Variants in ANO1 observed in about 807,000 individuals in gnomAD.
ANO1 encodes anoctamin 1, also known as anoctamin-1.
Under a neutral mutation model 124.0 loss-of-function variants are expected in ANO1, and 59 were observed. That is an observed-to-expected ratio of 0.48 (90% CI 0.39 to 0.59). ANO1 has a LOEUF of 0.59. Ranked by LOEUF, ANO1 falls within the 20% of genes least tolerant of loss-of-function variation. The pLI, the probability that ANO1 is intolerant of heterozygous loss-of-function variation, is 0.00. For synonymous variants in ANO1, 529 were observed against 532.0 expected (o/e 0.99, Z 0.08); for missense variants, 1,059 against 1,328.0 (o/e 0.80, Z 3.15).
At chr11:70,018,699 C>T (rs7927315) in intron 1 of ANO1, among the ~76,000 whole-genome samples, 65,433 of 152,098 alleles carry the variant, frequency 0.43, 14,658 homozygotes, top group Non-Finnish European at 0.49. Context: ...ACTGTTGCTG[C>T]AGCAGGATGT....
chr11:70,170,145 C>A, intron 21 of ANO1: 1 of 449,590 alleles, frequency 2.2e-6, no homozygotes, highest in Non-Finnish European at 4.5e-6. Flanking sequence ...GAAGTTTGGG[C>A]TCTGGAAGAT....
chr11:70,165,680 G>A, intron 20 of ANO1, 110 bp downstream of exon 20: 1 of 832,312 alleles, frequency 1.2e-6, no homozygotes, highest in Non-Finnish European at 1.9e-6. Flanking sequence ...CAAGATGGGG[G>A]CACTAGAAGC....
upstream of ANO1, among the ~76,000 whole-genome samples, chr11:69,982,515 TG>T (rs1855968132): frequency 6.6e-6 from 1 of 152,230 alleles, no homozygotes; most frequent in African/African-American, 2.4e-5. Context: ...AGGATGAATA[TG>T]ATGCAAATAA....
chr11:70,120,169 G>A (rs977724284), intron 8 of ANO1, among the ~76,000 whole-genome samples: 1 of 152,160 alleles, frequency 6.6e-6, no homozygotes, highest in African/African-American at 2.4e-5. Context: ...ACATTTTCCT[G>A]TGCTGAGCTG....
intron 1 of ANO1, among the ~76,000 whole-genome samples, chr11:70,065,558 C>T (rs1262553722): frequency 6.6e-6 from 1 of 151,788 alleles, no homozygotes; most frequent in African/African-American, 2.4e-5. Flanking sequence ...TCCCAACTTC[C>T]TCTCTGCCCT....
intron 4 of ANO1, 131 bp from the exon 5 acceptor site, chr11:70,105,603 C>T (rs867111351): frequency 8.7e-6 from 7 of 806,570 alleles, no homozygotes; most frequent in Admixed American, 4.2e-5. Context: ...TCATACCTGG[C>T]GTGCGGACAG....
chr11:70,159,192 C>T (rs2047945386), intron 16 of ANO1, among the ~76,000 whole-genome samples: 1 of 152,174 alleles, frequency 6.6e-6, no homozygotes, highest in Non-Finnish European at 1.5e-5. Context: ...ATGGCTGCTG[C>T]ACCTCCAGCA....
At chr11:70,013,927 G>A (rs1191956014) in intron 1 of ANO1, among the ~76,000 whole-genome samples, 2 of 152,132 alleles carry the variant, frequency 1.3e-5, no homozygotes, top group Non-Finnish European at 2.9e-5. Flanking sequence ...GGTTCCTGCT[G>A]AGGCCTGTCT....
chr11:70,059,837 G>T (rs1369351204), intron 1 of ANO1, among the ~76,000 whole-genome samples: 2 of 151,986 alleles, frequency 1.3e-5, no homozygotes, highest in Non-Finnish European at 2.9e-5. Context: ...AGTTGGAAAA[G>T]ACTGGTAGAG....
At chr11:69,994,717 G>A (rs1856227673) in intron 1 of ANO1, among the ~76,000 whole-genome samples, 1 of 152,074 alleles carries the variant, frequency 6.6e-6, no homozygotes, top group East Asian at 1.9e-4. Flanking sequence ...GACCCAAACT[G>A]CTTCCATCAG....
chr11:70,116,594 C>G, intron 8 of ANO1, 95 bp downstream of exon 8: 1 of 1,237,810 alleles, frequency 8.1e-7, no homozygotes, highest in Non-Finnish European at 1.2e-6. Context: ...GACTTACCGG[C>G]CTCCAGGGCC....
At chr11:70,043,760 C>T (rs1394714389) in intron 1 of ANO1, among the ~76,000 whole-genome samples, 9 of 152,098 alleles carry the variant, frequency 5.9e-5, no homozygotes, top group African/African-American at 1.9e-4. Context: ...AAGACTTTTA[C>T]AGAAGAACAA....
At position 70,132,087 on chromosome 11, in the gene ANO1, G is replaced by C; in HGVS notation, c.1258+8G>C. ...TCTTCATGGCCCTCTGGGGTAAGCA[G>C]GGCTCCAGAGCACTGGGTTTTTGGG... On this transcript the variant is annotated splice_region_variant and intron_variant, in intron 11 of 25. Coordinates refer to ENST00000355303, the MANE Select transcript of ANO1 (RefSeq NM_018043.7). 1 of 1,579,578 alleles carries C rather than the reference G, an allele frequency of 6.3e-7. No individual in the cohort carries two copies. The highest frequency in any genetic ancestry group is 8.6e-7 in the Non-Finnish European group (1 of 1,167,840).
intron 1 of ANO1, among the ~76,000 whole-genome samples, chr11:69,993,863 C>T (rs1213964807): frequency 1.3e-5 from 2 of 152,214 alleles, no homozygotes; most frequent in African/African-American, 4.8e-5. Context: ...CTTCCTATAG[C>T]CCTTCATCCC....
chr11:70,070,047 T>G (rs563961070), intron 1 of ANO1, among the ~76,000 whole-genome samples: 15 of 152,334 alleles, frequency 9.8e-5, no homozygotes, highest in Admixed American at 9.8e-4. Flanking sequence ...CATTAATGCA[T>G]TTTGCAAAGA....
chr11:70,145,208 T>C (rs577538516), intron 11 of ANO1, among the ~76,000 whole-genome samples: 1 of 152,284 alleles, frequency 6.6e-6, no homozygotes, highest in South Asian at 2.1e-4. Context: ...CTTTGAGGAC[T>C]GGCCACCAGG....
At chr11:70,149,826 T>C in intron 12 of ANO1, 34 bp downstream of exon 12, 1 of 1,598,150 alleles carries the variant, frequency 6.3e-7, no homozygotes, top group Non-Finnish European at 8.5e-7. Flanking sequence ...TATCACGCCC[T>C]TCCCCCACGT....
At chr11:69,995,832 C>T (rs886666231) in intron 1 of ANO1, among the ~76,000 whole-genome samples, 4 of 152,144 alleles carry the variant, frequency 2.6e-5, no homozygotes, top group Non-Finnish European at 5.9e-5. Context: ...TCAGGCCGGG[C>T]GCAGTGGCTC....
chr11:70,101,471 G>T (rs536632444), intron 2 of ANO1, among the ~76,000 whole-genome samples: 1 of 151,034 alleles, frequency 6.6e-6, no homozygotes. Context: ...TAGGAGAATC[G>T]CTTGAACTCA....
Sources: allele counts gnomAD v4.1 joint callset (sites outside exome capture counted in the v4.1 genomes callset), GRCh38; gene constraint gnomAD v4.1.1; transcripts MANE v1.5; gene names NCBI Gene and HGNC (gene_info 2026-07-23, HGNC 2026-07-21).